Variants in PKIG observed in about 807,000 individuals in gnomAD.
The protein encoded by PKIG is cAMP-dependent protein kinase inhibitor gamma, also known as protein kinase (cAMP-dependent, catalytic) inhibitor gamma.
A neutral mutation model predicts 6.8 loss-of-function variants in PKIG; 1 was observed. The observed-to-expected ratio is 0.15, with a 90% CI of 0.05 to 0.69. The LOEUF is 0.69. PKIG is among the 30% of genes least tolerant of loss of function. The pLI, the probability that PKIG is intolerant of heterozygous loss-of-function variation, is 0.82. For missense variants in PKIG, 77 were observed against 104.0 expected (o/e 0.74, Z 1.13); for synonymous variants, 39 against 43.0 (o/e 0.91, Z 0.36).
At chr20:44,559,186 C>A (rs376006533) in intron 1 of PKIG, among the ~76,000 whole-genome samples, 2 of 152,200 alleles carry the variant, frequency 1.3e-5, no homozygotes, top group East Asian at 3.8e-4. Context: ...TCCCCTAAAT[C>A]TCCATTCTCA....
At chr20:44,556,016 T>G (rs1279503067) in intron 1 of PKIG, among the ~76,000 whole-genome samples, 1 of 152,068 alleles carries the variant, frequency 6.6e-6, no homozygotes, top group Non-Finnish European at 1.5e-5. Flanking sequence ...AATTTTTGTA[T>G]TTTTAGTAGA....
chr20:44,548,272 C>T (rs529272933), intron 1 of PKIG, among the ~76,000 whole-genome samples: 9 of 152,236 alleles, frequency 5.9e-5, no homozygotes, highest in African/African-American at 2.2e-4. Context: ...ACATTAATCA[C>T]AATTTTCCAG....
At chr20:44,550,517 G>A (rs2064658361) in intron 1 of PKIG, among the ~76,000 whole-genome samples, 1 of 152,126 alleles carries the variant, frequency 6.6e-6, no homozygotes, top group African/African-American at 2.4e-5. Context: ...TCTGTGCACA[G>A]TGATTTCCCA....
At chr20:44,597,723 T>A (rs994051860) in intron 2 of PKIG, among the ~76,000 whole-genome samples, 13 of 152,118 alleles carry the variant, frequency 8.5e-5, no homozygotes, top group African/African-American at 3.1e-4. Context: ...CTGCTGCGGA[T>A]GTATGATCTA....
intron 1 of PKIG, among the ~76,000 whole-genome samples, chr20:44,535,326 T>G (rs2064502622): frequency 2.0e-5 from 3 of 151,970 alleles, no homozygotes; most frequent in Admixed American, 1.3e-4. Context: ...TCATGAGATA[T>G]TGACTATCAT....
At chr20:44,551,429 T>C (rs1225742311) in intron 1 of PKIG, among the ~76,000 whole-genome samples, 1 of 152,162 alleles carries the variant, frequency 6.6e-6, no homozygotes, top group Non-Finnish European at 1.5e-5. Flanking sequence ...AGTACTTTGC[T>C]ACAGACAAAA....
chr20:44,584,526 G>A (rs1035970813), intron 1 of PKIG, among the ~76,000 whole-genome samples: 2 of 149,814 alleles, frequency 1.3e-5, no homozygotes, highest in African/African-American at 4.9e-5. Context: ...GTCAGATCTT[G>A]AATTTTGAGT....
intron 2 of PKIG, among the ~76,000 whole-genome samples, chr20:44,602,923 A>T (rs1011870681): frequency 6.6e-6 from 1 of 152,040 alleles, no homozygotes; most frequent in African/African-American, 2.4e-5. Flanking sequence ...AAGCTGAGAG[A>T]GAAGGGGACT....
Position 44,618,723 on chromosome 20 carries a change from A to C in PKIG, c.*359A>C, listed in dbSNP as rs900522557. 9.9e-6 allele frequency: 2 copies of C among 203,004 alleles called. No homozygotes were observed. Among genetic ancestry groups the C allele is most frequent in the Non-Finnish European group, 2.0e-5 (2 of 98,522 alleles). 12.6% of individuals were successfully genotyped at this position (203,004 alleles called of 1,614,324 possible). On this transcript the variant is annotated 3_prime_UTR_variant, in exon 4 of 4. Transcript: ENST00000372886. ...GCGGCCCGGGCAGGGACCCTGTCCC[A>C]ACACCAACACCTCCTCTCCAGCCCA...
intron 2 of PKIG, among the ~76,000 whole-genome samples, chr20:44,612,539 A>C (rs1393909649): frequency 6.6e-6 from 1 of 152,218 alleles, no homozygotes; most frequent in South Asian, 2.1e-4. Context: ...ATAGGTGCTC[A>C]ATGAGAGATA....
At chr20:44,557,952 G>C (rs1347826460) in intron 1 of PKIG, among the ~76,000 whole-genome samples, 1 of 152,204 alleles carries the variant, frequency 6.6e-6, no homozygotes, top group Admixed American at 6.5e-5. Context: ...TTGCATAGCA[G>C]AGGGACTAGG....
chr20:44,610,857 G>A (rs2065212048), intron 2 of PKIG, among the ~76,000 whole-genome samples: 1 of 151,646 alleles, frequency 6.6e-6, no homozygotes, highest in African/African-American at 2.4e-5. Flanking sequence ...AGGCCCATCT[G>A]GCACATTTCT....
At chr20:44,577,306 T>G (rs909931844) in intron 1 of PKIG, among the ~76,000 whole-genome samples, 1 of 151,604 alleles carries the variant, frequency 6.6e-6, no homozygotes, top group South Asian at 2.1e-4. Context: ...TTTTTTTGTG[T>G]TTTTTTTAGT....
rs759094420 is a variant in PKIG at position 44,589,411 on chromosome 20, T to TTGTAAAAATTG, written c.-93-385_-93-384insGTAAAAATTGT. ...ATATATGCAATTTTACAATATGCTT[T>TTGTAAAAATTG]TTAACAATCAAGCATGTACTTTTTT... On this transcript the variant is annotated intron_variant, in intron 1 of 3. Coordinates refer to ENST00000372886, the MANE Select transcript of PKIG (RefSeq NM_001281445.2). Among the ~76,000 whole-genome samples, 324 of 152,334 alleles carry TTGTAAAAATTG rather than the reference T, an allele frequency of 2.1e-3. 1 individual carries two copies. Among genetic ancestry groups the TTGTAAAAATTG allele is most frequent in the Non-Finnish European group, 3.4e-3 (233 of 68,026 alleles).
chr20:44,611,717 C>T (rs1047160722), intron 2 of PKIG, among the ~76,000 whole-genome samples: 10 of 151,804 alleles, frequency 6.6e-5, no homozygotes, highest in Non-Finnish European at 1.3e-4. Context: ...GAGGGGGTTT[C>T]ACCATGTTGG....
At chr20:44,551,406 A>G (rs897902264) in intron 1 of PKIG, among the ~76,000 whole-genome samples, 1 of 152,204 alleles carries the variant, frequency 6.6e-6, no homozygotes, top group Non-Finnish European at 1.5e-5. Flanking sequence ...CATTGCCTCT[A>G]AAATCATGCA....
intron 1 of PKIG, among the ~76,000 whole-genome samples, chr20:44,557,520 CAA>C (rs3091847): frequency 3.8e-4 from 24 of 63,506 alleles, no homozygotes; most frequent in Non-Finnish European, 2.6e-4. Context: ...TGACAGGTGA[CAA>C]AAAAAAAAAA....
chr20:44,567,855 T>C (rs1380793705), intron 1 of PKIG, among the ~76,000 whole-genome samples: 1 of 152,220 alleles, frequency 6.6e-6, no homozygotes, highest in Non-Finnish European at 1.5e-5. Flanking sequence ...TTTGATTATT[T>C]CTATTATTTC....
intron 1 of PKIG, among the ~76,000 whole-genome samples, chr20:44,553,335 T>G (rs1307630683): frequency 1.3e-5 from 2 of 152,178 alleles, no homozygotes; most frequent in Admixed American, 1.3e-4. Context: ...AAACCACTTC[T>G]GTTGGCTGAG....
Sources: gnomAD v4.1 joint callset for allele counts (sites outside exome capture counted in the v4.1 genomes callset) on GRCh38, gnomAD v4.1.1 for gene constraint, MANE v1.5 for transcripts, NCBI Gene and HGNC (gene_info 2026-07-23, HGNC 2026-07-21) for gene names.